Variants in POLR3B observed in about 807,000 individuals in gnomAD.
The protein encoded by POLR3B is RNA polymerase III subunit B.
In POLR3B, 96 loss-of-function variants were observed where a neutral mutation model predicts 147.4. That is an observed-to-expected ratio of 0.65 (90% CI 0.55 to 0.77). The LOEUF (loss-of-function observed/expected upper bound fraction) is 0.77. Among genes scored for constraint, POLR3B ranks in the 30% least tolerant of loss-of-function variants. The pLI is 0.00. For synonymous variants in POLR3B, 461 were observed against 485.9 expected (o/e 0.95, Z 0.67); for missense variants, 1,036 against 1,413.5 (o/e 0.73, Z 4.28).
intron 9 of POLR3B, among the ~76,000 whole-genome samples, chr12:106,390,527 GA>G (rs2036900598): frequency 6.6e-6 from 1 of 151,126 alleles, no homozygotes; most frequent in Admixed American, 6.6e-5. Flanking sequence ...TTTTTTTTAG[GA>G]TTGCTATCTT....
In POLR3B at chr12:106,378,350, G is replaced by C; in HGVS notation, c.580G>C (p.Asp194His). The change falls in exon 8 of 28, where the codon GAT becomes CAT. Residue 194 changes from aspartate (D) to histidine (H), a missense_variant. Transcript: ENST00000228347. ...LSKNRIIVEA[D>H]RKGAVGASVT... ...TAAGAACAGGATCATCGTGGAGGCTGATAGAAAAGGGGCTGTTGGAGCTTC... is the reference window on the plus strand; with the variant it reads ...TAAGAACAGGATCATCGTGGAGGCTCATAGAAAAGGGGCTGTTGGAGCTTC... 6.2e-7 allele frequency: 1 copy of C among 1,613,484 alleles called. No individual in the cohort carries two copies. The highest frequency in any genetic ancestry group is 8.5e-7 in the Non-Finnish European group (1 of 1,179,408).
At chr12:106,358,104 T>G (rs879543043) in intron 1 of POLR3B, 153 bp downstream of exon 1, 497 of 1,511,218 alleles carry the variant, frequency 3.3e-4, no homozygotes, top group Non-Finnish European at 4.1e-4. Context: ...TTGCGAGTCT[T>G]TTTTCCAGAG....
intron 27 of POLR3B, among the ~76,000 whole-genome samples, chr12:106,508,981 C>G (rs1486682842): frequency 6.6e-5 from 10 of 152,158 alleles, no homozygotes; most frequent in Admixed American, 6.5e-4. Context: ...GAATAATATA[C>G]TGCTAGTATA....
chr12:106,386,522 T>G (rs1404580963), intron 9 of POLR3B, among the ~76,000 whole-genome samples: 1 of 152,118 alleles, frequency 6.6e-6, no homozygotes, highest in Non-Finnish European at 1.5e-5. Flanking sequence ...CATATAATCT[T>G]CTATCACTCA....
chr12:106,436,358 C>G (rs576219016), intron 16 of POLR3B, among the ~76,000 whole-genome samples: 3 of 152,286 alleles, frequency 2.0e-5, no homozygotes, highest in African/African-American at 7.2e-5. Context: ...AGGCAAGTCC[C>G]CACTGACAGT....
intron 13 of POLR3B, among the ~76,000 whole-genome samples, chr12:106,428,671 G>A (rs944322633): frequency 4.6e-5 from 7 of 152,068 alleles, no homozygotes; most frequent in African/African-American, 1.4e-4. Context: ...TACTCTGTGG[G>A]CATAAGTCAG....
chr12:106,441,015 C>G (rs1406426500), intron 18 of POLR3B, among the ~76,000 whole-genome samples: 1 of 151,840 alleles, frequency 6.6e-6, no homozygotes, highest in Non-Finnish European at 1.5e-5. Flanking sequence ...AGAATGAATC[C>G]CCTTCCTTTC....
At chr12:106,496,403 C>G in intron 24 of POLR3B, 1 of 617,272 alleles carries the variant, frequency 1.6e-6, no homozygotes, top group Non-Finnish European at 2.9e-6. Flanking sequence ...GATGAATTTA[C>G]CCCTCAGCAA....
At chr12:106,398,843 C>G (rs907950239) in intron 10 of POLR3B, among the ~76,000 whole-genome samples, 12 of 152,130 alleles carry the variant, frequency 7.9e-5, no homozygotes, top group Non-Finnish European at 1.6e-4. Flanking sequence ...ACGTCACCAT[C>G]ATCAAAGACC....
At chr12:106,506,718 G>A (rs2038693895) in intron 27 of POLR3B, among the ~76,000 whole-genome samples, 1 of 152,120 alleles carries the variant, frequency 6.6e-6, no homozygotes, top group Non-Finnish European at 1.5e-5. Flanking sequence ...TAATTAAACA[G>A]ACCTCAATAT....
chr12:106,389,082 C>T (rs1011174605), intron 9 of POLR3B, among the ~76,000 whole-genome samples: 1 of 152,140 alleles, frequency 6.6e-6, no homozygotes, highest in African/African-American at 2.4e-5. Context: ...CAAAGAGGTC[C>T]ATATAAAGCC....
rs1044614533 is a variant in POLR3B at position 106,372,081 on chromosome 12, T to C, written c.404+2398T>C. 4.6e-5 allele frequency among the ~76,000 whole-genome samples: 7 copies of C among 152,338 alleles called. No homozygotes were observed. In the South Asian group the frequency reaches 1.4e-3, roughly 32 times the overall value. On this transcript the variant is annotated intron_variant, in intron 6 of 27. Transcript: ENST00000228347. ...AGACCTCTAGTCATTAGAATGCTTA[T>C]ATGTGCTATGCATTACCTAAATTAC...
Position 106,444,557 on chromosome 12 carries a change from A to T in POLR3B, c.2050A>T (p.Thr684Ser). The T allele has an allele frequency of 6.2e-7, 1 of 1,614,012 alleles. No individual in the cohort carries two copies. The highest frequency in any genetic ancestry group is 1.1e-5 in the South Asian group (1 of 91,072). ...TCACCATAACCAGTCACCGAGAAAC[A>T]CTTATCAGTGTGCCATGGGGAAACA... The part of the protein sequence containing the change: ...YPHHNQSPRN[T>S]YQCAMGKQAM... The change falls in exon 19 of 28, where the codon ACT (threonine) becomes TCT (serine). Residue 684 changes from threonine to serine, a missense_variant. This residue lies in a region of POLR3B where 5 missense variants were observed against 30.9 expected (regional missense o/e 0.16). Transcript: ENST00000228347.
At position 106,409,366 on chromosome 12, in the gene POLR3B, TTTTTTC is replaced by T; in HGVS notation, c.967-1457_967-1452del. Among the ~76,000 whole-genome samples the T allele has an allele frequency of 4.8e-5, 7 of 146,448 alleles. 1 individual carries two copies. Among genetic ancestry groups the T allele is most frequent in the African/African-American group, 1.8e-4 (7 of 39,070 alleles). ...AGAGGGTTTTTTTTGTTTTTTTTTTTTTTTTCTTGAGGATGGACAAGAGCCTTTTCT... is the reference window on the plus strand; with the variant it reads ...AGAGGGTTTTTTTTGTTTTTTTTTTTTTGAGGATGGACAAGAGCCTTTTCT... On this transcript the variant is annotated intron_variant, in intron 11 of 27. Coordinates refer to ENST00000228347, the MANE Select transcript of POLR3B (RefSeq NM_018082.6).
chr12:106,496,595 C>A, intron 24 of POLR3B, 157 bp from the exon 25 acceptor site: 1 of 687,550 alleles, frequency 1.5e-6, no homozygotes, highest in Non-Finnish European at 2.6e-6. Flanking sequence ...TATTGAGAGG[C>A]GTAAAATTAG....
intron 25 of POLR3B, 149 bp downstream of exon 25, chr12:106,497,067 C>A (rs752920280): frequency 5.7e-6 from 4 of 696,246 alleles, no homozygotes; most frequent in Admixed American, 2.4e-5. Context: ...GCTTCGAATG[C>A]GGTCTGACAC....
intron 1 of POLR3B, among the ~76,000 whole-genome samples, chr12:106,361,965 G>T (rs2036475822): frequency 6.6e-6 from 1 of 152,106 alleles, no homozygotes; most frequent in South Asian, 2.1e-4. Flanking sequence ...CTCTTTCACT[G>T]GCAGGTAGGT....
chr12:106,408,966 G>A (rs1343247262), intron 11 of POLR3B, among the ~76,000 whole-genome samples: 1 of 152,150 alleles, frequency 6.6e-6, no homozygotes, highest in Non-Finnish European at 1.5e-5. Flanking sequence ...TAATCGAGTG[G>A]CATTATACAG....
At chr12:106,369,888 G>A (rs1050482476) in intron 6 of POLR3B, among the ~76,000 whole-genome samples, 5 of 152,130 alleles carry the variant, frequency 3.3e-5, no homozygotes, top group Non-Finnish European at 5.9e-5. Context: ...CTAAGAAGTT[G>A]AGGAAAATGT....
Sources: gnomAD v4.1 joint callset for allele counts (sites outside exome capture counted in the v4.1 genomes callset) on GRCh38, gnomAD v4.1.1 for gene constraint, gnomAD v4.1.1 regional missense constraint, MANE v1.5 for transcripts, NCBI Gene and HGNC (gene_info 2026-07-23, HGNC 2026-07-21) for gene names.